XRRA1: variants seen among roughly 807,000 people sequenced by gnomAD.
XRRA1 encodes X-ray radiation resistance-associated protein 1.
XRRA1 carries 69 observed loss-of-function variants against 80.2 expected under a neutral mutation model. That is an observed-to-expected ratio of 0.86 (90% confidence interval 0.71 to 1.05). The LOEUF (loss-of-function observed/expected upper bound fraction) is 1.05. Among genes scored for constraint, XRRA1 ranks in the 50% least tolerant of loss-of-function variants. The pLI, the probability that XRRA1 is intolerant of heterozygous loss-of-function variation, is 0.00. For missense variants in XRRA1, 967 were observed against 976.4 expected, an observed-to-expected ratio of 0.99 and a Z score of 0.13; for synonymous variants, 348 against 389.9, an observed-to-expected ratio of 0.89 and a Z score of 1.27.
chr11:74,937,299 G>T (rs113193323), intron 3 of XRRA1, among the ~76,000 whole-genome samples: 9 of 152,172 alleles, frequency 5.9e-5, no homozygotes, highest in Non-Finnish European at 1.3e-4. Context: ...ACATGAAAAG[G>T]CTGCGACAAA....
chr11:74,880,347 C>T (rs191374366), intron 10 of XRRA1, among the ~76,000 whole-genome samples: 1 of 151,966 alleles, frequency 6.6e-6, no homozygotes, highest in Non-Finnish European at 1.5e-5. Flanking sequence ...CTATTCGATT[C>T]TTCTTTTTTT....
intron 10 of XRRA1, among the ~76,000 whole-genome samples, chr11:74,894,145 A>G (rs976084199): frequency 4.6e-5 from 7 of 152,194 alleles, no homozygotes; most frequent in African/African-American, 1.7e-4. Flanking sequence ...TTATCCTAAG[A>G]AAATTAACAC....
At chr11:74,929,179 T>C (rs575112226) in intron 6 of XRRA1, among the ~76,000 whole-genome samples, 2 of 152,284 alleles carry the variant, frequency 1.3e-5, no homozygotes, top group East Asian at 3.9e-4. Context: ...TTGCCTTTTC[T>C]CTAATGTGCC....
rs117730481 is a variant in XRRA1, at chr11:74,908,177, A to C, written c.657-904T>G. ...GGAAACAAACATTTCTTTAGCACCT[A>C]ATGCATTTCTGGCATTGTGCGATAT... On this transcript the variant is annotated intron_variant, in intron 8 of 18. Transcript: ENST00000684022. Among the ~76,000 whole-genome samples the C allele has an allele frequency of 9.8e-5, 15 of 152,332 alleles. No individual in the cohort carries two copies. The East Asian group carries it at 2.7e-3, about 27-fold the overall frequency.
intron 6 of XRRA1, among the ~76,000 whole-genome samples, chr11:74,928,988 C>T (rs1490451723): frequency 3.3e-5 from 5 of 152,240 alleles, no homozygotes; most frequent in African/African-American, 1.2e-4. Flanking sequence ...TATCTTGATC[C>T]ACTGTAATTA....
chr11:74,898,511 AAC>A (rs142278444), intron 10 of XRRA1, among the ~76,000 whole-genome samples: 57,635 of 151,756 alleles, frequency 0.38, 12,282 homozygotes, highest in Middle Eastern at 0.5. Flanking sequence ...GCCTACAAGA[AAC>A]ACACCTCATC....
At chr11:74,943,762 G>A (rs1946920538) in intron 2 of XRRA1, among the ~76,000 whole-genome samples, 1 of 152,006 alleles carries the variant, frequency 6.6e-6, no homozygotes, top group Non-Finnish European at 1.5e-5. Flanking sequence ...CAATGTGCAG[G>A]CCAAACCAAA....
chr11:74,841,089 T>C lies in XRRA1; in HGVS notation c.*2111A>G, dbSNP rs2036468688. On this transcript the variant is annotated 3_prime_UTR_variant, in exon 19 of 19. Transcript: ENST00000684022. Reference sequence around the variant, plus strand: ...ATGTGGAATCTTGGAAAGTGATATATTTTGATTGGAATAATTTTAATTAAA... The same window carrying C: ...ATGTGGAATCTTGGAAAGTGATATACTTTGATTGGAATAATTTTAATTAAA... 6.6e-6 allele frequency: 1 copy of C among 152,108 alleles called. No homozygotes were observed. The highest frequency in any genetic ancestry group is 2.4e-5 in the African/African-American group (1 of 41,404). The allele number at this position is 152,108 out of a possible 1,614,324, so 9.4% of individuals were successfully genotyped here.
intron 10 of XRRA1, among the ~76,000 whole-genome samples, chr11:74,905,524 G>A (rs1944773391): frequency 6.6e-6 from 1 of 152,166 alleles, no homozygotes; most frequent in African/African-American, 2.4e-5. Context: ...AGAGGAAAAA[G>A]GGGCTTATCT....
chr11:74,872,767 C>T (rs959018076), intron 10 of XRRA1, among the ~76,000 whole-genome samples: 2 of 152,130 alleles, frequency 1.3e-5, no homozygotes, highest in Admixed American at 6.5e-5. Context: ...CATTACTGCA[C>T]AGGAGCCCCA....
intron 2 of XRRA1, among the ~76,000 whole-genome samples, chr11:74,942,861 T>G (rs1342278075): frequency 2.0e-5 from 3 of 152,178 alleles, no homozygotes; most frequent in Non-Finnish European, 4.4e-5. Flanking sequence ...AAAGCTTCAC[T>G]ACATCTAGAC....
Position 74,921,264 on chromosome 11 carries a change from G to A in XRRA1, c.606C>T (p.Leu202=). ...GILPHLRVLL[L]TGNGLTSLPP... is the part of the protein sequence containing the mutation. ...GCAGGGAGGTAAGGCCATTGCCTGT[G>A]AGGAGCAGGACACGGAGGTGTGGCA... The change falls in exon 8 of 19, where the codon CTC becomes CTT. Residue 202 remains leucine, a synonymous_variant. Coordinates refer to ENST00000684022, the MANE Select transcript of XRRA1 (RefSeq NM_001378157.1). 1 of 1,614,026 alleles carries A rather than the reference G, an allele frequency of 6.2e-7. No homozygotes were observed. Among genetic ancestry groups the A allele is most frequent in the Non-Finnish European group, 8.5e-7 (1 of 1,179,882 alleles).
chr11:74,910,828 C>T (rs912750109), intron 8 of XRRA1: 4 of 152,162 alleles, frequency 2.6e-5, no homozygotes, highest in Middle Eastern at 3.1e-3. Context: ...TTAGAAAGTA[C>T]AATTCACAGC....
In XRRA1 at chr11:74,848,319, A is replaced by G. The variant is rs779750069; in HGVS notation, c.1524T>C (p.Ser508=). ...AEDLPTTKST[S]VESEMPTENL... ...TCTCAGTGGGCATCTCTGACTCCAC[A>G]GAAGTGCTTTTGGTAGTGGGCAGAT... The change falls in exon 15 of 19, where the codon TCT becomes TCC. Residue 508 remains serine, a synonymous_variant. Coordinates refer to ENST00000684022, the MANE Select transcript of XRRA1 (RefSeq NM_001378157.1). 1.9e-6 allele frequency: 3 copies of G among 1,613,794 alleles called. No homozygotes were observed. The highest frequency in any genetic ancestry group is 2.5e-6 in the Non-Finnish European group (3 of 1,179,858).
intron 2 of XRRA1, among the ~76,000 whole-genome samples, chr11:74,944,706 A>G (rs2140062213): frequency 6.6e-6 from 1 of 152,194 alleles, no homozygotes; most frequent in South Asian, 2.1e-4. Context: ...TACCTTATTC[A>G]CCTGTGTAAT....
intron 6 of XRRA1, 148 bp from the exon 7 acceptor site, chr11:74,927,636 C>T: frequency 2.0e-6 from 1 of 497,930 alleles, no homozygotes; most frequent in East Asian, 3.3e-5. Context: ...TCTCTAACAA[C>T]CCAGAAAAAT....
intron 10 of XRRA1, among the ~76,000 whole-genome samples, chr11:74,897,374 T>C (rs968762876): frequency 1.3e-5 from 2 of 151,256 alleles, no homozygotes; most frequent in Admixed American, 6.6e-5. Flanking sequence ...ATCCAGAAAA[T>C]AGCCTTAAAA....
At chr11:74,916,401 T>C (rs1938692700) in intron 8 of XRRA1, among the ~76,000 whole-genome samples, 1 of 152,180 alleles carries the variant, frequency 6.6e-6, no homozygotes. Flanking sequence ...CATTTAATTG[T>C]TCTGTCTTCA....
At position 74,843,934 on chromosome 11, in the gene XRRA1, G is replaced by C. The variant is rs1384191780; in HGVS notation, c.2069C>G (p.Pro690Arg). 2.5e-6 allele frequency: 4 copies of C among 1,613,494 alleles called. No individual in the cohort carries two copies. The African/African-American group carries it at 5.3e-5, about 22-fold the overall frequency. The change falls in exon 18 of 19, where the codon CCA (proline) becomes CGA (arginine). Residue 690 changes from proline to arginine, a missense_variant. Physicochemically the swap from Pro to Arg is moderately radical, Grantham distance 103. Transcript: ENST00000684022. ...CAGAAGTTGGGCTCTAGTCTTCTTT[G>C]GGGGTGGAATCGGGATTCTCTGGGC... is the stretch of plus-strand genomic sequence containing the variant. ...KRAQRIPIPP[P>R]KKTRAQLLDD...
Sources: gnomAD v4.1 joint callset for allele counts (sites outside exome capture counted in the v4.1 genomes callset) on GRCh38, gnomAD v4.1.1 for gene constraint, MANE v1.5 for transcripts, NCBI Gene and HGNC (gene_info 2026-07-23, HGNC 2026-07-21) for gene names.